ACOXL: variants seen among roughly 807,000 people sequenced by gnomAD.
ACOXL encodes acyl-coenzyme A oxidase-like protein.
In ACOXL, 70 loss-of-function variants were observed where a neutral mutation model predicts 71.9. The observed-to-expected ratio is 0.97, with a 90% confidence interval of 0.80 to 1.19. ACOXL has a LOEUF of 1.19. ACOXL is among the 50% of genes most tolerant of loss of function. The probability of loss-of-function intolerance (pLI) is 0.00; values close to 1 mark genes in which losing one functional copy is unlikely to be tolerated. For missense variants in ACOXL, 703 were observed against 736.3 expected (o/e 0.95, Z 0.52); for synonymous variants, 253 against 281.6 (o/e 0.90, Z 1.02).
At chr2:110,741,537 T>A (rs1460792368) in intron 1 of ACOXL, among the ~76,000 whole-genome samples, 4 of 152,146 alleles carry the variant, frequency 2.6e-5, no homozygotes, top group African/African-American at 7.2e-5. Context: ...GAACAAGAAG[T>A]TACACGTGCA....
chr2:110,932,699 GT>G (rs2060520229), intron 11 of ACOXL, among the ~76,000 whole-genome samples: 1 of 152,218 alleles, frequency 6.6e-6, no homozygotes, highest in Non-Finnish European at 1.5e-5. Context: ...GATCCTATGT[GT>G]GTAGACCAAA....
At chr2:110,773,895 C>T (rs1682307074) in intron 2 of ACOXL, among the ~76,000 whole-genome samples, 1 of 152,166 alleles carries the variant, frequency 6.6e-6, no homozygotes, top group African/African-American at 2.4e-5. Context: ...TAGATTGGCA[C>T]CTGAATGCAG....
intron 14 of ACOXL, among the ~76,000 whole-genome samples, chr2:111,017,558 C>G (rs115870663): frequency 0.012 from 1,828 of 152,284 alleles, 12 homozygotes; most frequent in Non-Finnish European, 0.017. Flanking sequence ...AGGTGACATG[C>G]ATGATTAGGA....
intron 10 of ACOXL, among the ~76,000 whole-genome samples, chr2:110,882,019 G>A (rs963837658): frequency 3.3e-5 from 5 of 152,046 alleles, no homozygotes; most frequent in South Asian, 2.1e-4. Flanking sequence ...TCATGTAGTC[G>A]GTGTATGTTT....
intron 16 of ACOXL, among the ~76,000 whole-genome samples, chr2:111,052,880 G>T (rs1407291983): frequency 6.6e-6 from 1 of 152,066 alleles, no homozygotes; most frequent in East Asian, 1.9e-4. Context: ...CTGTGGGGTA[G>T]TCTGTGGCAC....
At chr2:110,939,996 G>T (rs567941827) in intron 12 of ACOXL, among the ~76,000 whole-genome samples, 1 of 152,304 alleles carries the variant, frequency 6.6e-6, no homozygotes, top group Non-Finnish European at 1.5e-5. Flanking sequence ...TTCTAGACCA[G>T]TGGTTTTCAA....
intron 14 of ACOXL, among the ~76,000 whole-genome samples, chr2:111,027,099 G>A (rs1186951244): frequency 2.0e-5 from 3 of 151,930 alleles, no homozygotes; most frequent in Non-Finnish European, 2.9e-5. Context: ...GTTTCACCAT[G>A]TTGCCCAGGC....
intron 1 of ACOXL, among the ~76,000 whole-genome samples, chr2:110,734,897 A>T (rs1271324524): frequency 1.5e-5 from 2 of 134,336 alleles, no homozygotes; most frequent in African/African-American, 5.7e-5. Context: ...TTATTGACTT[A>T]CATTTGTTCA....
chr2:110,919,479 C>G (rs1186556955), intron 11 of ACOXL, among the ~76,000 whole-genome samples: 1 of 151,738 alleles, frequency 6.6e-6, no homozygotes, highest in Non-Finnish European at 1.5e-5. Flanking sequence ...ATGGGTGCAG[C>G]AAAACACAAT....
chr2:111,102,665 A>ATTT (rs2069252140), intron 17 of ACOXL, among the ~76,000 whole-genome samples: 1 of 152,136 alleles, frequency 6.6e-6, no homozygotes, highest in Non-Finnish European at 1.5e-5. Flanking sequence ...AAGACCTCTC[A>ATTT]GGAGATGAGA....
At chr2:110,830,602 C>T (rs1038028613) in intron 9 of ACOXL, among the ~76,000 whole-genome samples, 6 of 151,948 alleles carry the variant, frequency 3.9e-5, no homozygotes, top group South Asian at 2.1e-4. Flanking sequence ...GGCGCAATCT[C>T]GGCTCACTGC....
At chr2:110,912,315 T>A (rs1249075694) in intron 11 of ACOXL, among the ~76,000 whole-genome samples, 1 of 152,050 alleles carries the variant, frequency 6.6e-6, no homozygotes, top group African/African-American at 2.4e-5. Context: ...GCCACAACAA[T>A]CTTGAGAAAG....
At chr2:110,787,214 A>G (rs1684071688) in intron 3 of ACOXL, among the ~76,000 whole-genome samples, 1 of 152,184 alleles carries the variant, frequency 6.6e-6, no homozygotes, top group East Asian at 1.9e-4. Context: ...GGAAATTGGC[A>G]TAGACTTAAA....
intron 14 of ACOXL, among the ~76,000 whole-genome samples, chr2:111,005,335 T>G (rs191413423): frequency 2.0e-5 from 3 of 152,346 alleles, no homozygotes; most frequent in Admixed American, 2.0e-4. Context: ...GGGCAGTAAA[T>G]TCTTTGGAAA....
chr2:110,771,143 CA>C (rs1052031586), intron 2 of ACOXL, among the ~76,000 whole-genome samples: 3 of 152,162 alleles, frequency 2.0e-5, no homozygotes, highest in Non-Finnish European at 2.9e-5. Flanking sequence ...TATGAATTCA[CA>C]AAAGCCAATA....
At position 110,799,890 on chromosome 2, in the gene ACOXL, A is replaced by C. The variant is rs552304666; in HGVS notation, c.547+790A>C. Among the ~76,000 whole-genome samples the C allele has an allele frequency of 2.3e-4, 35 of 152,276 alleles. 1 individual carries two copies. In the South Asian group the frequency reaches 7.0e-3, roughly 31 times the overall value. On this transcript the variant is annotated intron_variant, in intron 7 of 17. Transcript: ENST00000439055. ...CAATCAGTGCTCTGTAAAACTCACC[A>C]ATCAGCGCTCTGTAAAATGCACCAA...
intron 12 of ACOXL, among the ~76,000 whole-genome samples, chr2:110,948,359 A>T (rs1381057575): frequency 6.6e-6 from 1 of 152,162 alleles, no homozygotes; most frequent in Non-Finnish European, 1.5e-5. Context: ...TCAGAAAGTG[A>T]TGTGAGGCAG....
intron 9 of ACOXL, among the ~76,000 whole-genome samples, chr2:110,829,446 G>T (rs1254856393): frequency 6.6e-6 from 1 of 152,226 alleles, no homozygotes; most frequent in Non-Finnish European, 1.5e-5. Context: ...TTCTGAGGAA[G>T]AGAGAGCTCC....
intron 10 of ACOXL, among the ~76,000 whole-genome samples, chr2:110,901,645 C>T (rs2059237692): frequency 6.0e-5 from 1 of 16,546 alleles, no homozygotes; most frequent in Non-Finnish European, 1.9e-4. Context: ...CTCTACGCCA[C>T]ACACACACAC....
Sources: allele counts gnomAD v4.1 joint callset (sites outside exome capture counted in the v4.1 genomes callset), GRCh38; gene constraint gnomAD v4.1.1; transcripts MANE v1.5; gene names NCBI Gene and HGNC (gene_info 2026-07-23, HGNC 2026-07-21).